CDO1: variants seen among roughly 807,000 people sequenced by gnomAD.
The protein encoded by CDO1 is cysteine dioxygenase, type I.
CDO1 carries 19 observed loss-of-function variants against 24.5 expected under a neutral mutation model. The ratio of observed to expected loss-of-function variants is 0.77; its 90% CI spans 0.54 to 1.14. The LOEUF (loss-of-function observed/expected upper bound fraction) is 1.14, where lower values mean the gene tolerates loss of function less well. Among genes scored for constraint, CDO1 ranks in the 50% most tolerant of loss-of-function variants. CDO1 has a pLI of 0.00. For synonymous variants in CDO1, 91 were observed against 87.0 expected (o/e 1.05, Z -0.26); for missense variants, 244 against 244.8 (o/e 1.00, Z 0.02).
chr5:115,804,815 T>C lies in CDO1; in HGVS notation c.*618A>G, dbSNP rs1435935152. On this transcript the variant is annotated 3_prime_UTR_variant, in exon 5 of 5. Coordinates refer to ENST00000250535, the MANE Select transcript of CDO1 (RefSeq NM_001801.3). ...TGACTATGACCATGGGACACAGACA[T>C]GAGTTTATGTTTTGGTTTGTTGTGG... The C allele has an allele frequency of 1.3e-5, 2 of 152,158 alleles. No individual in the cohort carries two copies. Among genetic ancestry groups the C allele is most frequent in the African/African-American group, 4.8e-5 (2 of 41,430 alleles). The allele number at this position is 152,158 out of a possible 1,614,324, so 9.4% of individuals were successfully genotyped here.
intron 1 of CDO1, among the ~76,000 whole-genome samples, chr5:115,816,005 G>C (rs903527932): frequency 1.9e-4 from 29 of 152,340 alleles, no homozygotes; most frequent in African/African-American, 6.5e-4. Flanking sequence ...TTCCCGGCCG[G>C]AGGTCAGCAA....
At position 115,816,569 on chromosome 5, in the gene CDO1, C is replaced by G; in HGVS notation, c.-172G>C. The G allele has an allele frequency of 1.4e-6, 1 of 689,820 alleles. No homozygotes were observed. Among genetic ancestry groups the G allele is most frequent in the East Asian group, 2.7e-5 (1 of 36,700 alleles). 42.7% of individuals were successfully genotyped at this position (689,820 alleles called of 1,614,324 possible). A position where few individuals can be genotyped will look rare whatever the true frequency, so the allele number is the denominator to read the frequency against. On this transcript the variant is annotated 5_prime_UTR_variant, in exon 1 of 5. Coordinates refer to ENST00000250535, the MANE Select transcript of CDO1 (RefSeq NM_001801.3). ...AAACGTAAGGATGTCGTCGCAGAGA[C>G]AGCAAGAGACCCACCCCCAGGCCCC...
At chr5:115,806,579 A>G (rs1338624594) in intron 3 of CDO1, 61 bp from the exon 4 acceptor site, 4 of 1,255,614 alleles carry the variant, frequency 3.2e-6, no homozygotes, top group Non-Finnish European at 4.5e-6. Flanking sequence ...TGTAGGTAAA[A>G]TCTCTGTGAG....
chr5:115,807,563 G>A (rs1178583401), intron 3 of CDO1, among the ~76,000 whole-genome samples: 1 of 151,474 alleles, frequency 6.6e-6, no homozygotes, highest in African/African-American at 2.4e-5. Context: ...TACCATAAAA[G>A]GGACCATAAA....
Position 115,806,441 on chromosome 5 carries a change from A to C in CDO1, c.481T>G (p.Phe161Val), listed in dbSNP as rs1268229461. Reference protein sequence around the residue: ...AVSLHLYSPPFDTCHAFDQRT... With the variant: ...AVSLHLYSPPVDTCHAFDQRT... ...TGATCAAAGGCATGGCATGTATCAA[A>C]AGGTGGACTGTACAAGTGAAGGCTC... The change falls in exon 4 of 5, where the codon TTT (phenylalanine) becomes GTT (valine). Residue 161 changes from phenylalanine (F) to valine (V), a missense_variant. Phe to Val is a conservative substitution (Grantham distance 50). Coordinates refer to ENST00000250535, the MANE Select transcript of CDO1 (RefSeq NM_001801.3). 1 of 1,612,686 alleles carries C rather than the reference A, an allele frequency of 6.2e-7. No individual in the cohort carries two copies. Among genetic ancestry groups the C allele is most frequent in the Non-Finnish European group, 8.5e-7 (1 of 1,179,478 alleles).
chr5:115,809,898 G>T (rs568099696), intron 3 of CDO1, among the ~76,000 whole-genome samples: 90 of 152,188 alleles, frequency 5.9e-4, no homozygotes, highest in Middle Eastern at 3.4e-3. Context: ...CTTAATATGA[G>T]GCTTGTATAC....
intron 1 of CDO1, among the ~76,000 whole-genome samples, chr5:115,815,809 G>A (rs544744552): frequency 6.6e-6 from 1 of 152,220 alleles, no homozygotes; most frequent in Admixed American, 6.5e-5. Context: ...AGGAGGGCCC[G>A]AACCTGAGTG....
intron 3 of CDO1, among the ~76,000 whole-genome samples, chr5:115,808,153 A>T (rs992166142): frequency 1.3e-5 from 2 of 151,970 alleles, no homozygotes; most frequent in African/African-American, 4.8e-5. Context: ...TAATTTTTGT[A>T]TTTTTGGTAG....
intron 3 of CDO1, among the ~76,000 whole-genome samples, chr5:115,807,624 C>A (rs1363956753): frequency 6.7e-6 from 1 of 148,512 alleles, no homozygotes. Flanking sequence ...GCAGGAAATG[C>A]TGAGGAAGAC....
intron 3 of CDO1, among the ~76,000 whole-genome samples, chr5:115,810,853 A>G (rs1321901269): frequency 2.0e-5 from 3 of 152,214 alleles, no homozygotes; most frequent in Admixed American, 6.6e-5. Flanking sequence ...AATGTTTCCA[A>G]CTTGATCTCT....
Position 115,816,579 on chromosome 5 carries a change from C to A in CDO1, c.-182G>T. The A allele has an allele frequency of 1.5e-6, 1 of 652,822 alleles. No individual in the cohort carries two copies. The highest frequency in any genetic ancestry group is 1.9e-5 in the South Asian group (1 of 53,176). The allele number at this position is 652,822 out of a possible 1,614,324, so 40.4% of individuals were successfully genotyped here. A position where few individuals can be genotyped will look rare whatever the true frequency, so the allele number is the denominator to read the frequency against. ...ATGTCGTCGCAGAGACAGCAAGAGA[C>A]CCACCCCCAGGCCCCTGGCAGCGCA... On this transcript the variant is annotated 5_prime_UTR_variant, in exon 1 of 5. Coordinates refer to ENST00000250535, the MANE Select transcript of CDO1 (RefSeq NM_001801.3).
chr5:115,811,922 G>A (rs1330958289), intron 2 of CDO1, among the ~76,000 whole-genome samples: 1 of 152,142 alleles, frequency 6.6e-6, no homozygotes, highest in Non-Finnish European at 1.5e-5. Context: ...TCCAACATTG[G>A]TGGGAAAAAG....
At chr5:115,810,261 C>T (rs564787576) in intron 3 of CDO1, among the ~76,000 whole-genome samples, 3 of 152,116 alleles carry the variant, frequency 2.0e-5, no homozygotes, top group South Asian at 2.1e-4. Context: ...TGTGAATGAG[C>T]GACAACTTCC....
intron 2 of CDO1, 130 bp downstream of exon 2, chr5:115,813,051 A>AC (rs1393843465): frequency 6.4e-6 from 2 of 312,662 alleles, no homozygotes; most frequent in Non-Finnish European, 1.1e-5. Context: ...CTGTCTCAAA[A>AC]AAAAAAAAAA....
chr5:115,811,364 C>T, intron 2 of CDO1, 49 bp from the exon 3 acceptor site: 3 of 1,377,256 alleles, frequency 2.2e-6, no homozygotes, highest in South Asian at 1.2e-5. Flanking sequence ...GTCTAGTATC[C>T]AGACCTGCAG....
rs1759897937 is a variant in CDO1, at chr5:115,805,393, A to G, written c.*40T>C. On this transcript the variant is annotated 3_prime_UTR_variant, in exon 5 of 5. Transcript: ENST00000250535. ...GCCTTTTTGTCCAAGGCAAACATAC[A>G]GCGAACCTTAAAGTAAAACCTCAGA... 1 of 1,599,350 alleles carries G rather than the reference A, an allele frequency of 6.3e-7. No homozygotes were observed. The highest frequency in any genetic ancestry group is 1.1e-5 in the South Asian group (1 of 89,994).
At chr5:115,812,918 A>C (rs1281038610) in intron 2 of CDO1, among the ~76,000 whole-genome samples, 3 of 151,832 alleles carry the variant, frequency 2.0e-5, no homozygotes, top group African/African-American at 4.8e-5. Context: ...ATGGTGGTGC[A>C]TACCTGTAAT....
intron 1 of CDO1, 136 bp downstream of exon 1, chr5:115,816,092 A>G: frequency 2.2e-6 from 1 of 449,822 alleles, no homozygotes; most frequent in Non-Finnish European, 3.8e-6. Context: ...GCGGCTGGCC[A>G]GCGAGGGGGC....
At chr5:115,814,277 G>A (rs1036060880) in intron 1 of CDO1, 6 of 152,116 alleles carry the variant, frequency 3.9e-5, no homozygotes, top group Admixed American at 2.6e-4. Context: ...AAGAAGCTGT[G>A]TACACAACCT....
Sources: gnomAD v4.1 joint callset for allele counts (sites outside exome capture counted in the v4.1 genomes callset) on GRCh38, gnomAD v4.1.1 for gene constraint, MANE v1.5 for transcripts, NCBI Gene and HGNC (gene_info 2026-07-23, HGNC 2026-07-21) for gene names.